NSD3: variants seen among roughly 807,000 people sequenced by gnomAD.
NSD3 encodes histone-lysine N-methyltransferase NSD3.
In NSD3, 24 loss-of-function variants were observed where a neutral mutation model predicts 160.8. That is an observed-to-expected ratio of 0.15 (90% CI 0.11 to 0.21). NSD3 has a LOEUF of 0.21. NSD3 is among the 10% of genes least tolerant of loss of function. The probability of loss-of-function intolerance (pLI) is 1.00; values close to 1 mark genes in which losing one functional copy is unlikely to be tolerated. For missense variants in NSD3, 1,157 were observed against 1,735.9 expected, an observed-to-expected ratio of 0.67 and a Z score of 5.93; for synonymous variants, 520 against 600.0, an observed-to-expected ratio of 0.87 and a Z score of 1.95.
At chr8:38,284,411 G>A (rs1421885600) in intron 19 of NSD3, among the ~76,000 whole-genome samples, 1 of 152,130 alleles carries the variant, frequency 6.6e-6, no homozygotes, top group East Asian at 1.9e-4. Context: ...GTTTTGAGAC[G>A]GAGTTTCACT....
chr8:38,343,692 G>A (rs1262770966), intron 2 of NSD3, among the ~76,000 whole-genome samples: 1 of 152,208 alleles, frequency 6.6e-6, no homozygotes, highest in Non-Finnish European at 1.5e-5. Context: ...AACAGAGTGA[G>A]ATTCTGTCTC....
At chr8:38,338,295 G>A (rs200849797) in intron 3 of NSD3, among the ~76,000 whole-genome samples, 1 of 136,128 alleles carries the variant, frequency 7.3e-6, no homozygotes, top group Non-Finnish European at 1.6e-5. Flanking sequence ...GTGAGACTCC[G>A]TCTCAAAAAG....
chr8:38,329,644 C>T lies in NSD3; in HGVS notation c.1315G>A (p.Ala439Thr). Residue 439 changes from alanine (A) to threonine (T), a missense_variant, in exon 6 of 24, where the codon GCC becomes ACC. Around this residue, in one of 10 missense-constraint regions of NSD3, gnomAD observed 168 missense variants for 208.1 expected, o/e 0.81. Transcript: ENST00000317025. The surrounding 1 kb of genome is among the most constrained non-coding windows in gnomAD (Gnocchi z 4.8). ...QPEQTNAGEV[A>T]SSLSSTEIRR... ...ATTTCAGTACTTGAGAGTGAGGAGG[C>T]CACCTCCCCTGCATTGGTCTGTTCT... The T allele has an allele frequency of 6.2e-7, 1 of 1,614,240 alleles. No homozygotes were observed. The highest frequency in any genetic ancestry group is 8.5e-7 in the Non-Finnish European group (1 of 1,180,050).
At chr8:38,340,987 G>A (rs2955594) in intron 2 of NSD3, among the ~76,000 whole-genome samples, 143,812 of 152,032 alleles carry the variant, frequency 0.95, 68,207 homozygotes, top group East Asian at 1. Flanking sequence ...ACAGAGTGAG[G>A]CCCAGTACCT....
At chr8:38,362,507 T>A (rs1271104990) in intron 1 of NSD3, among the ~76,000 whole-genome samples, 1 of 152,174 alleles carries the variant, frequency 6.6e-6, no homozygotes, top group East Asian at 1.9e-4. Context: ...TGTAATTTTT[T>A]AATTTTAGCA....
chr8:38,334,588 A>G (rs912826975), intron 4 of NSD3, among the ~76,000 whole-genome samples: 3 of 151,774 alleles, frequency 2.0e-5, no homozygotes, highest in South Asian at 2.1e-4. Context: ...CCCCGTCTCT[A>G]CTAAAAATAC....
intron 16 of NSD3, 90 bp from the exon 17 acceptor site, chr8:38,290,767 G>GT: frequency 7.6e-7 from 1 of 1,320,492 alleles, no homozygotes; most frequent in Non-Finnish European, 1.0e-6. Flanking sequence ...AAAAGTTTTT[G>GT]TATTTTGCAA....
At chr8:38,333,601 C>T (rs1262383059) in intron 4 of NSD3, among the ~76,000 whole-genome samples, 2 of 152,198 alleles carry the variant, frequency 1.3e-5, no homozygotes, top group South Asian at 2.1e-4. Context: ...GGCGCGGTGG[C>T]TCACGCCTGT....
At chr8:38,287,776 C>T (rs1487042633) in intron 19 of NSD3, among the ~76,000 whole-genome samples, 11 of 152,004 alleles carry the variant, frequency 7.2e-5, no homozygotes, top group Admixed American at 7.2e-4. Context: ...CCTCAGCCTC[C>T]CGAGTAGCTG....
rs144635215 is a variant in NSD3, at chr8:38,356,247, G to C, written c.-44-8032C>G. Among the ~76,000 whole-genome samples, 3 of 152,256 alleles carry C rather than the reference G, an allele frequency of 2.0e-5. No homozygotes were observed. In the East Asian group the frequency reaches 5.8e-4, roughly 29 times the overall value. On this transcript the variant is annotated intron_variant, in intron 1 of 23. Coordinates refer to ENST00000317025, the MANE Select transcript of NSD3 (RefSeq NM_023034.2). ...ATCAATGAATACTTCTAATTTTGCTGAAACTATACAGTTTTAAATAAGCAA... is the reference window on the plus strand; with the variant it reads ...ATCAATGAATACTTCTAATTTTGCTCAAACTATACAGTTTTAAATAAGCAA...
chr8:38,334,977 T>C (rs1810177985), intron 4 of NSD3, among the ~76,000 whole-genome samples: 1 of 149,478 alleles, frequency 6.7e-6, no homozygotes, highest in Admixed American at 6.7e-5. Context: ...GGTACCAGGC[T>C]AGAATTTTTT....
rs766116709 is a variant in NSD3 at position 38,326,804 on chromosome 8, A to G, written c.1634T>C (p.Ile545Thr). The G allele has an allele frequency of 8.7e-6, 14 of 1,613,990 alleles. No homozygotes were observed. The highest frequency in any genetic ancestry group is 1.2e-5 in the Non-Finnish European group (14 of 1,180,010). The change falls in exon 7 of 24, where the codon ATT becomes ACT. Residue 545 changes from isoleucine to threonine, a missense_variant. Physicochemically the swap from Ile to Thr is moderately conservative, Grantham distance 89. Transcript: ENST00000317025. Reference protein sequence around the residue: ...ISVRGQDRLIISTPNQRNEKP... With the variant: ...ISVRGQDRLITSTPNQRNEKP... ...TTCATTTCTCTGGTTTGGTGTAGAAATTATAAGCCTGTCTTGCCCCCTGAC... is the reference window on the plus strand; with the variant it reads ...TTCATTTCTCTGGTTTGGTGTAGAAGTTATAAGCCTGTCTTGCCCCCTGAC...
rs148971033 is a variant in NSD3 at position 38,325,698 on chromosome 8, G to A, written c.1708+1032C>T. Among the ~76,000 whole-genome samples, 322 of 150,516 alleles carry A rather than the reference G, an allele frequency of 2.1e-3. 2 individuals carry two copies. The highest frequency in any genetic ancestry group is 7.4e-3 in the African/African-American group (304 of 40,908). The stretch of plus-strand genomic sequence containing the variant: ...ACCAGCCTGGGCAACATGGCAAAAA[G>A]TACAAAAACTTAGCCAGGTATCATG... On this transcript the variant is annotated intron_variant, in intron 7 of 23. Coordinates refer to ENST00000317025, the MANE Select transcript of NSD3 (RefSeq NM_023034.2).
intron 1 of NSD3, among the ~76,000 whole-genome samples, chr8:38,369,582 G>C (rs1811188881): frequency 6.6e-6 from 1 of 152,106 alleles, no homozygotes; most frequent in Admixed American, 6.5e-5. Flanking sequence ...TATTAAAAAA[G>C]TTATTCATTA....
At chr8:38,365,260 C>T (rs1307177499) in intron 1 of NSD3, among the ~76,000 whole-genome samples, 2 of 152,128 alleles carry the variant, frequency 1.3e-5, no homozygotes, top group Non-Finnish European at 2.9e-5. Context: ...CTCCAAGTGC[C>T]ATGTTATATA....
intron 1 of NSD3, among the ~76,000 whole-genome samples, chr8:38,353,609 C>A (rs142295438): frequency 5.9e-3 from 894 of 152,156 alleles, no homozygotes; most frequent in South Asian, 0.019. Context: ...CTTTTCCTGT[C>A]TTCTCTAGCC....
At chr8:38,320,041 A>G (rs2131025801) in intron 8 of NSD3, 1 of 152,302 alleles carries the variant, frequency 6.6e-6, no homozygotes, top group South Asian at 2.1e-4. Context: ...TCAAGAGCTT[A>G]GAAAGATTTT....
rs185827074 is a variant in NSD3, at chr8:38,315,459, G to A, written c.2072C>T (p.Ser691Leu). Reference sequence around the variant, plus strand: ...CTTACTCATTCCAGTGCCTCTTCTCGACAAACTTGAATCCATGGACTGCAC... The same window carrying A: ...CTTACTCATTCCAGTGCCTCTTCTCAACAAACTTGAATCCATGGACTGCAC... ...SDVQSMDSSL[S>L]RRGTGMSKKD... The change falls in exon 11 of 24, where the codon TCG becomes TTG. Residue 691 changes from serine (S) to leucine (L), a missense_variant. By Grantham distance (145) the Ser-to-Leu change is moderately radical. Transcript: ENST00000317025. The A allele has an allele frequency of 1.1e-5, 18 of 1,604,724 alleles. No individual in the cohort carries two copies. Among genetic ancestry groups the A allele is most frequent in the African/African-American group, 5.4e-5 (4 of 74,300 alleles).
intron 12 of NSD3, among the ~76,000 whole-genome samples, chr8:38,310,672 T>TA (rs1809513210): frequency 6.6e-6 from 1 of 151,354 alleles, no homozygotes; most frequent in Non-Finnish European, 1.5e-5. Context: ...CATGCCAGGC[T>TA]AACTTTTTTT....
Sources: gnomAD v4.1 joint callset for allele counts (sites outside exome capture counted in the v4.1 genomes callset) on GRCh38, gnomAD v4.1.1 for gene constraint, gnomAD v4.1.1 regional missense constraint, Gnocchi (gnomAD v3.1) non-coding constraint, MANE v1.5 for transcripts, NCBI Gene and HGNC (gene_info 2026-07-23, HGNC 2026-07-21) for gene names.